EYS: variants seen among roughly 807,000 people sequenced by gnomAD.
EYS encodes the protein EGF-like photoreceptor maintenance factor, also known as protein eyes shut homolog.
Under a neutral mutation model 282.1 loss-of-function variants are expected in EYS, and 250 were observed. The ratio of observed to expected loss-of-function variants is 0.89; its 90% CI spans 0.80 to 0.98. EYS has a LOEUF of 0.98. EYS is among the 50% of genes least tolerant of loss of function. The pLI is 0.00. For synonymous variants in EYS, 1,355 were observed against 1,282.9 expected (o/e 1.06, Z -1.20); for missense variants, 4,016 against 3,709.0 (o/e 1.08, Z -2.15).
At chr6:65,188,888 T>C (rs1294632440) in intron 12 of EYS, among the ~76,000 whole-genome samples, 1 of 151,582 alleles carries the variant, frequency 6.6e-6, no homozygotes, top group Admixed American at 6.6e-5. Flanking sequence ...GAATGCAGCC[T>C]TGCCAGTATC....
chr6:65,075,819 C>T (rs1245884788), intron 12 of EYS, among the ~76,000 whole-genome samples: 2 of 151,858 alleles, frequency 1.3e-5, no homozygotes, highest in Non-Finnish European at 2.9e-5. Context: ...TGAAAAGTTT[C>T]ATTTGAAATG....
At chr6:64,191,777 C>A (rs1358011297) in intron 31 of EYS, among the ~76,000 whole-genome samples, 1 of 151,498 alleles carries the variant, frequency 6.6e-6, no homozygotes, top group Non-Finnish European at 1.5e-5. Flanking sequence ...TGAATAGTGC[C>A]GCAGTAAACA....
intron 30 of EYS, among the ~76,000 whole-genome samples, chr6:64,305,634 G>A (rs1332543685): frequency 6.6e-6 from 1 of 152,118 alleles, no homozygotes; most frequent in Non-Finnish European, 1.5e-5. Flanking sequence ...GGGGAAGAAT[G>A]GTCTGGTCTT....
intron 31 of EYS, among the ~76,000 whole-genome samples, chr6:64,103,254 A>T (rs1395039201): frequency 6.6e-6 from 1 of 152,194 alleles, no homozygotes; most frequent in African/African-American, 2.4e-5. Context: ...AAAATGTTAT[A>T]AACTAACATG....
At chr6:64,807,638 AAT>A (rs534217905) in intron 22 of EYS, among the ~76,000 whole-genome samples, 24 of 152,122 alleles carry the variant, frequency 1.6e-4, no homozygotes, top group Non-Finnish European at 3.4e-4. Flanking sequence ...TTCATTACGT[AAT>A]ATAAAGTCAA....
At chr6:64,191,834 G>A (rs1459639319) in intron 31 of EYS, among the ~76,000 whole-genome samples, 3 of 151,190 alleles carry the variant, frequency 2.0e-5, no homozygotes, top group Non-Finnish European at 4.4e-5. Flanking sequence ...AGTCCTTTGG[G>A]TATATACCCA....
At chr6:64,513,440 T>C (rs1331811279) in intron 26 of EYS, among the ~76,000 whole-genome samples, 3 of 151,958 alleles carry the variant, frequency 2.0e-5, no homozygotes, top group African/African-American at 7.2e-5. Context: ...AGAAAAGTAT[T>C]AATTTACTTT....
At chr6:64,779,569 C>T (rs1056535031) in intron 22 of EYS, among the ~76,000 whole-genome samples, 1 of 151,982 alleles carries the variant, frequency 6.6e-6, no homozygotes, top group Non-Finnish European at 1.5e-5. Flanking sequence ...TGGATACATG[C>T]CATTATACAT....
chr6:64,992,493 A>G (rs890362051), intron 14 of EYS, among the ~76,000 whole-genome samples: 3 of 152,066 alleles, frequency 2.0e-5, no homozygotes, highest in Middle Eastern at 3.4e-3. Flanking sequence ...CATTACTTAA[A>G]AGCAATATTA....
At chr6:63,868,814 A>T (rs922490022) in intron 35 of EYS, among the ~76,000 whole-genome samples, 1 of 152,186 alleles carries the variant, frequency 6.6e-6, no homozygotes, top group Non-Finnish European at 1.5e-5. Context: ...TTCCTTAAAA[A>T]ATTGGAATTT....
At chr6:64,234,573 G>A (rs1164105561) in intron 30 of EYS, among the ~76,000 whole-genome samples, 4 of 151,930 alleles carry the variant, frequency 2.6e-5, no homozygotes, top group Non-Finnish European at 4.4e-5. Flanking sequence ...CATACATAGT[G>A]TACCCATTTA....
chr6:64,383,299 C>T (rs1408728915), intron 29 of EYS, among the ~76,000 whole-genome samples: 3 of 151,976 alleles, frequency 2.0e-5, no homozygotes, highest in South Asian at 2.1e-4. Context: ...GAGAACCTGT[C>T]TCAAAACAAA....
rs575901103 is a variant in EYS at position 64,344,946 on chromosome 6, A to G, written c.6079-37864T>C. ...CCAAATCATGAGTGAACTCCCATTC[A>G]TAATTGCTTCAAAGAGAATAAAATA... On this transcript the variant is annotated intron_variant, in intron 29 of 42. Transcript: ENST00000503581. Among the ~76,000 whole-genome samples, 4 of 152,258 alleles carry G rather than the reference A, an allele frequency of 2.6e-5. No individual in the cohort carries two copies. In the South Asian group the frequency reaches 8.3e-4, roughly 32 times the overall value.
intron 12 of EYS, among the ~76,000 whole-genome samples, chr6:65,237,162 T>C (rs1766948359): frequency 6.6e-6 from 1 of 152,164 alleles, no homozygotes; most frequent in Admixed American, 6.5e-5. Flanking sequence ...CATATGCCTT[T>C]ACGCGAATAA....
At chr6:64,259,650 G>GCGCACA (rs140354088) in intron 30 of EYS, among the ~76,000 whole-genome samples, 65,928 of 145,380 alleles carry the variant, frequency 0.45, 15,171 homozygotes, top group South Asian at 0.54. Context: ...TTACACACGC[G>GCGCACA]CACACACACA....
At position 65,050,467 on chromosome 6, in the gene EYS, T is replaced by C. The variant is rs571797601; in HGVS notation, c.2137+7147A>G. On this transcript the variant is annotated intron_variant, in intron 13 of 42. Coordinates refer to ENST00000503581, the MANE Select transcript of EYS (RefSeq NM_001142800.2). ...TCAGTATTTTACAGTTCATTCAATT[T>C]ATTTGACCACTCCTCCAAAATAATA... Among the ~76,000 whole-genome samples, 6 of 151,776 alleles carry C rather than the reference T, an allele frequency of 4.0e-5. 1 individual carries two copies. The highest frequency in any genetic ancestry group is 1.4e-4 in the African/African-American group (6 of 41,538).
At chr6:64,588,909 G>T (rs1190744771) in intron 26 of EYS, among the ~76,000 whole-genome samples, 3 of 151,886 alleles carry the variant, frequency 2.0e-5, no homozygotes, top group Non-Finnish European at 4.4e-5. Context: ...AGTTGCAATG[G>T]GAATGAAGAA....
chr6:65,563,722 A>G (rs1400197216), intron 2 of EYS, among the ~76,000 whole-genome samples: 1 of 152,140 alleles, frequency 6.6e-6, no homozygotes, highest in South Asian at 2.1e-4. Flanking sequence ...GTAGGTAGAT[A>G]GGCAGATAAT....
chr6:65,605,832 A>G (rs1765768706), intron 2 of EYS, among the ~76,000 whole-genome samples: 1 of 151,792 alleles, frequency 6.6e-6, no homozygotes, highest in African/African-American at 2.4e-5. Flanking sequence ...ATATATTTAT[A>G]TATGATTGTA....
Sources: gnomAD v4.1 joint callset for allele counts (sites outside exome capture counted in the v4.1 genomes callset) on GRCh38, gnomAD v4.1.1 for gene constraint, MANE v1.5 for transcripts, NCBI Gene and HGNC (gene_info 2026-07-23, HGNC 2026-07-21) for gene names.